The following SORCS3 variants were observed in gnomAD, a reference collection of about 807,000 sequenced individuals.
SORCS3 encodes the protein VPS10 domain-containing receptor SorCS3.
Under a neutral mutation model 146.3 loss-of-function variants are expected in SORCS3, and 57 were observed. The observed-to-expected ratio is 0.39, with a 90% CI of 0.31 to 0.49. The LOEUF (loss-of-function observed/expected upper bound fraction) is 0.49. Among genes scored for constraint, SORCS3 ranks in the 20% least tolerant of loss-of-function variants. SORCS3 has a pLI of 0.92. For missense variants in SORCS3, 1,341 were observed against 1,575.5 expected, an observed-to-expected ratio of 0.85 and a Z score of 2.52; for synonymous variants, 653 against 618.5, an observed-to-expected ratio of 1.06 and a Z score of -0.83.
At chr10:104,849,961 G>T (rs1349003816) in intron 2 of SORCS3, among the ~76,000 whole-genome samples, 1 of 152,172 alleles carries the variant, frequency 6.6e-6, no homozygotes, top group Non-Finnish European at 1.5e-5. Context: ...GTATTTCTTG[G>T]TTTTCATACA....
chr10:104,986,398 C>G (rs534077447), intron 4 of SORCS3, among the ~76,000 whole-genome samples: 1 of 152,276 alleles, frequency 6.6e-6, no homozygotes, highest in South Asian at 2.1e-4. Flanking sequence ...GATCTTGTAT[C>G]TAGACCACTA....
chr10:104,778,915 A>G (rs1372305244), intron 1 of SORCS3, among the ~76,000 whole-genome samples: 1 of 150,238 alleles, frequency 6.7e-6, no homozygotes, highest in African/African-American at 2.4e-5. Flanking sequence ...ATGTTACCCT[A>G]TGTGGCAAAA....
intron 2 of SORCS3, among the ~76,000 whole-genome samples, chr10:104,881,347 A>G (rs1414348436): frequency 2.6e-5 from 4 of 152,154 alleles, no homozygotes; most frequent in African/African-American, 9.7e-5. Context: ...TGGCCTGTCT[A>G]TTTGTGAACT....
chr10:104,775,461 A>G (rs1356866251), intron 1 of SORCS3, among the ~76,000 whole-genome samples: 1 of 152,226 alleles, frequency 6.6e-6, no homozygotes. Context: ...CTTTAGGCAC[A>G]CAGACACCCA....
chr10:104,749,682 T>A (rs569411631), intron 1 of SORCS3, among the ~76,000 whole-genome samples: 3 of 152,304 alleles, frequency 2.0e-5, no homozygotes, highest in Admixed American at 2.0e-4. Context: ...ACCACTAGTA[T>A]GAACTGAACA....
intron 14 of SORCS3, among the ~76,000 whole-genome samples, chr10:105,191,670 G>A (rs905712024): frequency 6.6e-6 from 1 of 152,156 alleles, no homozygotes; most frequent in African/African-American, 2.4e-5. Flanking sequence ...CAGGTGGGGG[G>A]TGTTGATTTC....
intron 2 of SORCS3, among the ~76,000 whole-genome samples, chr10:104,887,615 G>T (rs1425487581): frequency 6.6e-6 from 1 of 152,130 alleles, no homozygotes; most frequent in African/African-American, 2.4e-5. Flanking sequence ...GTTGTTGGGT[G>T]CTCACCCTGC....
intron 1 of SORCS3, among the ~76,000 whole-genome samples, chr10:104,696,470 TAG>T (rs1269797815): frequency 2.0e-5 from 1 of 50,986 alleles, no homozygotes; most frequent in African/African-American, 6.1e-5. Flanking sequence ...ATATAATATA[TAG>T]AATATAGAAT....
intron 14 of SORCS3, among the ~76,000 whole-genome samples, chr10:105,178,421 C>CA (rs1467216303): frequency 6.6e-6 from 1 of 152,168 alleles, no homozygotes; most frequent in Non-Finnish European, 1.5e-5. Flanking sequence ...AGAATTATAG[C>CA]AAATTCCCAT....
chr10:104,925,533 A>G (rs2019136101), intron 3 of SORCS3, among the ~76,000 whole-genome samples: 1 of 152,256 alleles, frequency 6.6e-6, no homozygotes, highest in Admixed American at 6.5e-5. Context: ...CCATCAATTC[A>G]GCAGATGAGT....
chr10:104,691,829 C>T (rs2016116768), intron 1 of SORCS3, among the ~76,000 whole-genome samples: 1 of 152,148 alleles, frequency 6.6e-6, no homozygotes, highest in Non-Finnish European at 1.5e-5. Context: ...TAACTTCAAA[C>T]TCCTGGGCTC....
intron 20 of SORCS3, among the ~76,000 whole-genome samples, chr10:105,239,677 A>G (rs2056812045): frequency 1.3e-5 from 2 of 152,356 alleles, no homozygotes; most frequent in Middle Eastern, 3.4e-3. Flanking sequence ...ACAGAGACAG[A>G]GAAGTCAATC....
At chr10:105,262,527 G>A in intron 26 of SORCS3, 36 bp downstream of exon 26, 3 of 1,594,558 alleles carry the variant, frequency 1.9e-6, no homozygotes, top group Non-Finnish European at 2.6e-6. Context: ...CCCCTGTTCT[G>A]TGTCCTCTAA....
intron 4 of SORCS3, 148 bp downstream of exon 4, chr10:104,977,641 C>A: frequency 5.7e-6 from 4 of 697,450 alleles, no homozygotes; most frequent in Admixed American, 7.1e-5. Flanking sequence ...TTGTCTGCAG[C>A]AACTAACTTT....
At position 104,706,201 on chromosome 10, in the gene SORCS3, C is replaced by T. The variant is rs1388172867; in HGVS notation, c.627+64247C>T. Among the ~76,000 whole-genome samples, 296 of 85,880 alleles carry T rather than the reference C, an allele frequency of 3.4e-3. 3 individuals carry two copies. The highest frequency in any genetic ancestry group is 0.013 in the African/African-American group (267 of 19,932). 56.3% of individuals were successfully genotyped at this position (85,880 alleles called of 152,430 possible). On this transcript the variant is annotated intron_variant, in intron 1 of 26. Coordinates refer to ENST00000369701, the MANE Select transcript of SORCS3 (RefSeq NM_014978.3). ...TTGTTTGTTTGTTTCTTTTCTTCTTCTTTTTTTTTTTTTTTTTTTTTTTTT... is the reference window on the plus strand; with the variant it reads ...TTGTTTGTTTGTTTCTTTTCTTCTTTTTTTTTTTTTTTTTTTTTTTTTTTT...
intron 2 of SORCS3, among the ~76,000 whole-genome samples, chr10:104,890,175 G>A (rs761413811): frequency 1.3e-5 from 2 of 151,898 alleles, no homozygotes; most frequent in Non-Finnish European, 1.5e-5. Flanking sequence ...GGAAGTTTTT[G>A]TGCTTCTCGG....
rs71022752 is a variant in SORCS3 at position 105,125,679 on chromosome 10, CCA to C, written c.1213-13689_1213-13688del. 1.5e-4 allele frequency among the ~76,000 whole-genome samples: 21 copies of C among 144,434 alleles called. 1 individual carries two copies. Among genetic ancestry groups the C allele is most frequent in the South Asian group, 4.6e-4 (2 of 4,348 alleles). The allele number at this position is 144,434 out of a possible 152,430, so 94.8% of individuals were successfully genotyped here. The stretch of plus-strand genomic sequence containing the variant: ...ACATGCATGTTGCATCACTGAATAT[CCA>C]CACACACACACACACACACACACAC... On this transcript the variant is annotated intron_variant, in intron 7 of 26. Coordinates refer to ENST00000369701, the MANE Select transcript of SORCS3 (RefSeq NM_014978.3).
intron 4 of SORCS3, among the ~76,000 whole-genome samples, chr10:105,018,749 T>C (rs996268033): frequency 2.6e-5 from 4 of 152,234 alleles, no homozygotes; most frequent in African/African-American, 9.7e-5. Flanking sequence ...TAGTTGCTCC[T>C]TCAAATTCTC....
At chr10:104,819,168 C>T (rs921071403) in intron 1 of SORCS3, among the ~76,000 whole-genome samples, 11 of 152,106 alleles carry the variant, frequency 7.2e-5, no homozygotes, top group Admixed American at 2.0e-4. Flanking sequence ...AGGGGGTGCA[C>T]GTCAGTGTGT....
Sources: allele counts gnomAD v4.1 joint callset (sites outside exome capture counted in the v4.1 genomes callset), GRCh38; gene constraint gnomAD v4.1.1; transcripts MANE v1.5; gene names NCBI Gene and HGNC (gene_info 2026-07-23, HGNC 2026-07-21).